Variants in WDR27 observed in about 807,000 individuals in gnomAD.
The protein encoded by WDR27 is WD repeat domain 27, also known as WD repeat-containing protein 27.
WDR27 carries 100 observed loss-of-function variants against 114.4 expected under a neutral mutation model. That is an observed-to-expected ratio of 0.87 (90% confidence interval 0.74 to 1.03). WDR27 has a LOEUF of 1.03. WDR27 is among the 50% of genes least tolerant of loss of function. The probability of loss-of-function intolerance (pLI) is 0.00; values close to 1 mark genes in which losing one functional copy is unlikely to be tolerated. For synonymous variants in WDR27, 449 were observed against 423.1 expected (o/e 1.06, Z -0.75); for missense variants, 1,129 against 1,092.9 (o/e 1.03, Z -0.47).
At position 169,684,206 on chromosome 6, in the gene WDR27, G is replaced by C. The variant is rs1341821690; in HGVS notation, c.189+4611C>G. Among the ~76,000 whole-genome samples, 1 of 152,054 alleles carries C rather than the reference G, an allele frequency of 6.6e-6. No individual in the cohort carries two copies. The highest frequency in any genetic ancestry group is 1.5e-5 in the Non-Finnish European group (1 of 67,988). On this transcript the variant is annotated intron_variant, in intron 2 of 25. Transcript: ENST00000448612. The surrounding 1 kb of genome is among the most constrained non-coding windows in gnomAD (Gnocchi z 4.3). ...CAGCACTCCTGCCAAGGACAAACCT[G>C]CCCTTGATTTAGCCAAACCATTGCA...
chr6:169,558,926 C>T (rs1799280470), intron 25 of WDR27: 1 of 152,184 alleles, frequency 6.6e-6, no homozygotes, highest in Non-Finnish European at 1.5e-5. Flanking sequence ...AATAAACCAG[C>T]TATTACTGAC....
intron 24 of WDR27, among the ~76,000 whole-genome samples, chr6:169,576,062 T>C (rs1439504207): frequency 6.2e-5 from 2 of 32,240 alleles, no homozygotes; most frequent in African/African-American, 1.0e-4. Context: ...GCTTTTGGAG[T>C]AACGGGCCTG....
chr6:169,564,054 A>G (rs111453779), intron 25 of WDR27, among the ~76,000 whole-genome samples: 5,246 of 152,312 alleles, frequency 0.034, 227 homozygotes, highest in African/African-American at 0.1. Flanking sequence ...CAAGGAAGCC[A>G]GACCAAGTCC....
intron 21 of WDR27, among the ~76,000 whole-genome samples, chr6:169,619,260 G>A (rs553083002): frequency 7.2e-5 from 11 of 152,066 alleles, no homozygotes; most frequent in Admixed American, 1.3e-4. Context: ...CGGTCACCAT[G>A]TCATTCCAGG....
the WDR27 span, among the ~76,000 whole-genome samples, chr6:169,427,339 G>A: frequency 1.3e-5 from 2 of 152,178 alleles, no homozygotes; most frequent in Admixed American, 6.5e-5. Context: ...TGGGCTGAGA[G>A]ACAGGGAGGA....
At chr6:169,525,996 C>T (rs1189839492) in intron 25 of WDR27, among the ~76,000 whole-genome samples, 1 of 152,158 alleles carries the variant, frequency 6.6e-6, no homozygotes, top group Non-Finnish European at 1.5e-5. Flanking sequence ...ATAAATATTG[C>T]ACATTCCCCC....
At chr6:169,615,196 G>T (rs965387306) in intron 21 of WDR27, among the ~76,000 whole-genome samples, 8 of 152,068 alleles carry the variant, frequency 5.3e-5, no homozygotes, top group Admixed American at 2.0e-4. Context: ...ATAATATTAG[G>T]CTGGATTTCA....
chr6:169,449,357 A>G, the WDR27 span, among the ~76,000 whole-genome samples: 1 of 152,368 alleles, frequency 6.6e-6, no homozygotes, highest in South Asian at 2.1e-4. Context: ...TACAAACTCC[A>G]GGGGAATTCC....
In WDR27 at chr6:169,546,235, A is replaced by T. The variant is rs376451777; in HGVS notation, c.2645+26184T>A. Among the ~76,000 whole-genome samples, 20 of 152,338 alleles carry T rather than the reference A, an allele frequency of 1.3e-4. No individual in the cohort carries two copies. In the South Asian group the frequency reaches 2.5e-3, roughly 19 times the overall value. ...AACTCAGTGTTTCCAATAAAAGGAA[A>T]CAAGCAACTGCCCAGCAACCCAGCA... is the stretch of plus-strand genomic sequence containing the variant. On this transcript the variant is annotated intron_variant, in intron 25 of 25. Transcript: ENST00000448612.
At chr6:169,651,178 C>CGGGGGGGGGGGG (rs200606067) in intron 14 of WDR27, among the ~76,000 whole-genome samples, 2 of 3,398 alleles carry the variant, frequency 5.9e-4, no homozygotes, top group Non-Finnish European at 9.8e-4. Context: ...CACAGCAGTG[C>CGGGGGGGGGGGG]GGGGCGGGGG....
intron 25 of WDR27, among the ~76,000 whole-genome samples, chr6:169,504,669 C>T (rs537888244): frequency 2.0e-5 from 3 of 152,064 alleles, no homozygotes; most frequent in African/African-American, 4.8e-5. Flanking sequence ...AGTGCAGTGG[C>T]GTGAGCTTGG....
At chr6:169,627,259 T>C in intron 21 of WDR27, among the ~76,000 whole-genome samples, 1 of 152,196 alleles carries the variant, frequency 6.6e-6, no homozygotes, top group Middle Eastern at 3.2e-3. Context: ...TAACAAAATA[T>C]AAACATCTTT....
At chr6:169,518,531 T>A (rs1319165689) in intron 25 of WDR27, among the ~76,000 whole-genome samples, 1 of 152,232 alleles carries the variant, frequency 6.6e-6, no homozygotes, top group Admixed American at 6.5e-5. Flanking sequence ...GGAGCTAGAA[T>A]GGCCTAGATG....
Position 169,662,346 on chromosome 6 carries a change from G to A in WDR27, c.983C>T (p.Ala328Val), listed in dbSNP as rs376466279. ...VEVTFPVLRL[A>V]PCDLSLIPNS... is the part of the protein sequence containing the mutation. The stretch of plus-strand genomic sequence containing the variant: ...TGGGATGAGTGAGAGATCACAGGGT[G>A]CAAGTCTCAGTACAGGAAATGTTAC... Residue 328 changes from alanine to valine, a missense_variant, in exon 9 of 26, where the codon GCA (alanine) becomes GTA (valine). By Grantham distance (64) the Ala-to-Val change is moderately conservative (BLOSUM62 0). Coordinates refer to ENST00000448612, the MANE Select transcript of WDR27 (RefSeq NM_182552.5). The A allele has an allele frequency of 7.4e-6, 12 of 1,613,904 alleles. No homozygotes were observed. The highest frequency in any genetic ancestry group is 6.6e-5 in the South Asian group (6 of 91,092).
At chr6:169,635,697 C>T (rs947398274) in intron 19 of WDR27, among the ~76,000 whole-genome samples, 3 of 152,210 alleles carry the variant, frequency 2.0e-5, no homozygotes, top group Admixed American at 6.5e-5. Flanking sequence ...GTGCCCATTC[C>T]GAGCGCAGGG....
chr6:169,683,100 G>A (rs1585138896), intron 2 of WDR27, among the ~76,000 whole-genome samples: 1 of 152,146 alleles, frequency 6.6e-6, no homozygotes, highest in South Asian at 2.1e-4. Context: ...CAGGTTATTA[G>A]AGTTAAAGAA....
chr6:169,513,037 C>T (rs1793113852), intron 25 of WDR27, among the ~76,000 whole-genome samples: 1 of 152,286 alleles, frequency 6.6e-6, no homozygotes, highest in East Asian at 1.9e-4. Flanking sequence ...TATTGTTGCA[C>T]CATAAACTAC....
intron 1 of WDR27, among the ~76,000 whole-genome samples, chr6:169,700,413 A>C (rs1435262750): frequency 1.3e-5 from 2 of 152,230 alleles, no homozygotes; most frequent in Middle Eastern, 3.2e-3. Flanking sequence ...TTTTCCACTA[A>C]GCCACTTCCC....
At chr6:169,680,061 C>T (rs1297944947) in intron 2 of WDR27, among the ~76,000 whole-genome samples, 3 of 152,106 alleles carry the variant, frequency 2.0e-5, no homozygotes, top group Non-Finnish European at 4.4e-5. Context: ...ATATAAATGC[C>T]TTTCAAAAAC....
Sources: allele counts gnomAD v4.1 joint callset (sites outside exome capture counted in the v4.1 genomes callset), GRCh38; gene constraint gnomAD v4.1.1; non-coding constraint Gnocchi (gnomAD v3.1); transcripts MANE v1.5; gene names NCBI Gene and HGNC (gene_info 2026-07-23, HGNC 2026-07-21).